The following PTPRR variants were observed in gnomAD, a reference collection of about 807,000 sequenced individuals.
PTPRR encodes protein tyrosine phosphatase receptor type R.
A neutral mutation model predicts 77.2 loss-of-function variants in PTPRR; 38 were observed. That is an observed-to-expected ratio of 0.49 (90% CI 0.38 to 0.65). PTPRR has a LOEUF of 0.65. Ranked by LOEUF, PTPRR falls within the 30% of genes least tolerant of loss-of-function variation. The pLI, the probability that PTPRR is intolerant of heterozygous loss-of-function variation, is 0.00. For missense variants in PTPRR, 744 were observed against 799.2 expected (o/e 0.93, Z 0.83); for synonymous variants, 299 against 283.1 (o/e 1.06, Z -0.57).
At chr12:70,847,161 C>A (rs924497459) in intron 2 of PTPRR, among the ~76,000 whole-genome samples, 5 of 152,270 alleles carry the variant, frequency 3.3e-5, no homozygotes, top group Admixed American at 2.6e-4. Flanking sequence ...CCTTGCTCTG[C>A]CACAGTTTAT....
intron 2 of PTPRR, among the ~76,000 whole-genome samples, chr12:70,766,112 C>T (rs2136971089): frequency 6.6e-6 from 1 of 152,286 alleles, no homozygotes; most frequent in Non-Finnish European, 1.5e-5. Flanking sequence ...AGCGCCTCTC[C>T]TCCTCCAAAG....
At chr12:70,757,664 T>C (rs1250559197) in intron 4 of PTPRR, among the ~76,000 whole-genome samples, 1 of 152,158 alleles carries the variant, frequency 6.6e-6, no homozygotes, top group African/African-American at 2.4e-5. Context: ...ACCATATCCT[T>C]CCATGAAAGT....
At chr12:70,766,167 T>A (rs1890816834) in intron 2 of PTPRR, among the ~76,000 whole-genome samples, 1 of 152,218 alleles carries the variant, frequency 6.6e-6, no homozygotes, top group Admixed American at 6.5e-5. Flanking sequence ...GGACAGAGAA[T>A]GACTTTGACG....
At chr12:70,813,086 T>C (rs1191707090) in intron 2 of PTPRR, among the ~76,000 whole-genome samples, 1 of 152,218 alleles carries the variant, frequency 6.6e-6, no homozygotes, top group Non-Finnish European at 1.5e-5. Context: ...CCAAACTCTC[T>C]CTTGTATAAT....
In PTPRR at chr12:70,704,557, AG is replaced by A. The variant is rs1232416273; in HGVS notation, c.1008-3235del. ...CGCTGCCTAAACCTGGGAGATTAGA[AG>A]CCTTTGACATCCCGTGTCTAAGGTC... is the stretch of plus-strand genomic sequence containing the variant. On this transcript the variant is annotated intron_variant, in intron 6 of 13. Transcript: ENST00000283228. 2.0e-5 allele frequency among the ~76,000 whole-genome samples: 3 copies of A among 152,110 alleles called. No homozygotes were observed. In the East Asian group the frequency reaches 5.8e-4, roughly 29 times the overall value.
intron 2 of PTPRR, among the ~76,000 whole-genome samples, chr12:70,874,920 CAAA>C (rs34592534): frequency 3.5e-4 from 27 of 76,786 alleles, no homozygotes; most frequent in African/African-American, 1.2e-3. Flanking sequence ...GACTCCATCT[CAAA>C]AAAAAAAAAA....
At chr12:70,687,267 T>C (rs1450396461) in intron 8 of PTPRR, among the ~76,000 whole-genome samples, 2 of 19,718 alleles carry the variant, frequency 1.0e-4, no homozygotes, top group African/African-American at 1.9e-4. Flanking sequence ...TGAAAATATA[T>C]AGTAAAATTT....
rs755276383 is a variant in PTPRR at position 70,638,261 on chromosome 12, C to G, written c.*923G>C. 32 of 152,292 alleles carry G rather than the reference C, an allele frequency of 2.1e-4. No individual in the cohort carries two copies. Among genetic ancestry groups the G allele is most frequent in the Non-Finnish European group, 1.5e-5 (1 of 67,968 alleles). The allele number at this position is 152,292 out of a possible 1,614,324, so 9.4% of individuals were successfully genotyped here. On this transcript the variant is annotated 3_prime_UTR_variant, in exon 14 of 14. Coordinates refer to ENST00000283228, the MANE Select transcript of PTPRR (RefSeq NM_002849.4). The stretch of plus-strand genomic sequence containing the variant: ...ATGGAAATGTCCTTATAAGGAGCCT[C>G]GAAAATGGGACAGATTATATCATTC...
chr12:70,863,918 T>A (rs762473094), intron 2 of PTPRR, among the ~76,000 whole-genome samples: 19 of 152,164 alleles, frequency 1.2e-4, no homozygotes, highest in African/African-American at 3.6e-4. Context: ...ATCCCTCCTT[T>A]AGTAAATTCC....
At chr12:70,669,088 G>T (rs1390003527) in intron 10 of PTPRR, among the ~76,000 whole-genome samples, 5 of 152,120 alleles carry the variant, frequency 3.3e-5, no homozygotes, top group Non-Finnish European at 7.4e-5. Flanking sequence ...ATGACATGGA[G>T]AATACTCATA....
chr12:70,754,355 C>T (rs143322105), intron 4 of PTPRR, 54 bp from the exon 5 acceptor site: 25,001 of 1,604,656 alleles, frequency 0.016, 263 homozygotes, highest in Middle Eastern at 0.022. Context: ...AGAAAACTGG[C>T]GTTCTTATCA....
chr12:70,647,261 C>T (rs1886235541), intron 13 of PTPRR, among the ~76,000 whole-genome samples: 1 of 152,136 alleles, frequency 6.6e-6, no homozygotes, highest in African/African-American at 2.4e-5. Flanking sequence ...AAAATTCTTC[C>T]AGTGTCCAGT....
intron 2 of PTPRR, among the ~76,000 whole-genome samples, chr12:70,891,881 A>T (rs1040758027): frequency 3.3e-5 from 5 of 152,116 alleles, no homozygotes; most frequent in African/African-American, 1.2e-4. Context: ...AAATCAACTC[A>T]TTTGATTATA....
intron 8 of PTPRR, among the ~76,000 whole-genome samples, chr12:70,686,805 A>G (rs565253936): frequency 6.6e-6 from 1 of 152,150 alleles, no homozygotes; most frequent in Non-Finnish European, 1.5e-5. Flanking sequence ...ACTCAATTGA[A>G]ATCTCATGAA....
intron 6 of PTPRR, among the ~76,000 whole-genome samples, chr12:70,724,193 T>C (rs1388699376): frequency 6.6e-6 from 1 of 152,220 alleles, no homozygotes; most frequent in African/African-American, 2.4e-5. Context: ...TATAAGTGTA[T>C]ATAAATTGCA....
chr12:70,887,449 C>CTA (rs111383846), intron 2 of PTPRR, among the ~76,000 whole-genome samples: 109 of 151,294 alleles, frequency 7.2e-4, no homozygotes, highest in African/African-American at 2.4e-3. Flanking sequence ...GAGACTCTTT[C>CTA]CAAAAAAAAA....
chr12:70,740,001 C>A (rs1415156484), intron 6 of PTPRR, among the ~76,000 whole-genome samples: 1 of 152,104 alleles, frequency 6.6e-6, no homozygotes, highest in African/African-American at 2.4e-5. Context: ...TGAGGCCCAA[C>A]AAGATGGTCT....
At chr12:70,865,048 T>C (rs1372627438) in intron 2 of PTPRR, among the ~76,000 whole-genome samples, 1 of 152,086 alleles carries the variant, frequency 6.6e-6, no homozygotes, top group Non-Finnish European at 1.5e-5. Flanking sequence ...CTCCTGACCT[T>C]GTGATCCGCC....
At chr12:70,780,311 A>G (rs1891177818) in intron 2 of PTPRR, among the ~76,000 whole-genome samples, 1 of 152,176 alleles carries the variant, frequency 6.6e-6, no homozygotes, top group African/African-American at 2.4e-5. Flanking sequence ...TTAGTAGGCA[A>G]TATCAATATA....
Sources: allele counts gnomAD v4.1 joint callset (sites outside exome capture counted in the v4.1 genomes callset), GRCh38; gene constraint gnomAD v4.1.1; transcripts MANE v1.5; gene names NCBI Gene and HGNC (gene_info 2026-07-23, HGNC 2026-07-21).